The following LRP1B variants were observed in gnomAD, a reference collection of about 807,000 sequenced individuals.
The protein encoded by LRP1B is LDL receptor related protein 1B, also known as low-density lipoprotein receptor-related protein 1B.
A neutral mutation model predicts 556.6 loss-of-function variants in LRP1B; 217 were observed. The ratio of observed to expected loss-of-function variants is 0.39; its 90% confidence interval spans 0.35 to 0.44. The LOEUF (loss-of-function observed/expected upper bound fraction) is 0.44. Ranked by LOEUF, LRP1B falls within the 20% of genes least tolerant of loss-of-function variation. LRP1B has a pLI of 1.00. For synonymous variants in LRP1B, 2,047 were observed against 1,865.8 expected, an observed-to-expected ratio of 1.10 and a Z score of -2.50; for missense variants, 5,053 against 5,620.8, an observed-to-expected ratio of 0.90 and a Z score of 3.23.
chr2:141,617,758 TG>T (rs1688361436), intron 2 of LRP1B, among the ~76,000 whole-genome samples: 2 of 152,226 alleles, frequency 1.3e-5, no homozygotes, highest in African/African-American at 4.8e-5. Context: ...GTTTACTTTT[TG>T]TCACTTTTTA....
At chr2:141,801,050 C>T (rs1558884620) in intron 2 of LRP1B, among the ~76,000 whole-genome samples, 1 of 152,030 alleles carries the variant, frequency 6.6e-6, no homozygotes, top group Non-Finnish European at 1.5e-5. Context: ...TGCAAAAGCC[C>T]TTGTGGAGAA....
intron 89 of LRP1B, among the ~76,000 whole-genome samples, chr2:140,237,020 C>T (rs572705988): frequency 1.1e-4 from 17 of 150,726 alleles, no homozygotes; most frequent in African/African-American, 1.9e-4. Context: ...TTTTTTGTGG[C>T]GAGAACATTA....
intron 2 of LRP1B, among the ~76,000 whole-genome samples, chr2:141,561,979 G>A (rs1171524688): frequency 6.6e-6 from 1 of 151,806 alleles, no homozygotes; most frequent in Non-Finnish European, 1.5e-5. Flanking sequence ...ATGTTTAGTA[G>A]TGCCTGTCAA....
rs551606252 is a variant in LRP1B, at chr2:140,340,587, A to G, written c.11893-4749T>C. On this transcript the variant is annotated intron_variant, in intron 77 of 90. Transcript: ENST00000389484. Reference sequence around the variant, plus strand: ...CAATTACAATTTAAACATGCATAACATTCGAGAAATAATTCAGGGTTACCT... The same window carrying G: ...CAATTACAATTTAAACATGCATAACGTTCGAGAAATAATTCAGGGTTACCT... 5.3e-5 allele frequency among the ~76,000 whole-genome samples: 8 copies of G among 151,698 alleles called. No homozygotes were observed. The South Asian group carries it at 1.7e-3, about 31-fold the overall frequency.
At chr2:140,395,149 T>C (rs1038068548) in intron 66 of LRP1B, among the ~76,000 whole-genome samples, 1 of 152,224 alleles carries the variant, frequency 6.6e-6, no homozygotes, top group Non-Finnish European at 1.5e-5. Flanking sequence ...TACAGACTCC[T>C]AATAGTAATG....
intron 2 of LRP1B, among the ~76,000 whole-genome samples, chr2:141,551,477 A>G (rs1430269269): frequency 6.6e-6 from 1 of 152,094 alleles, no homozygotes; most frequent in African/African-American, 2.4e-5. Flanking sequence ...ATTCAGTTAA[A>G]TGAATTTTTT....
chr2:140,948,455 C>T (rs1695607661), intron 20 of LRP1B, among the ~76,000 whole-genome samples: 1 of 152,012 alleles, frequency 6.6e-6, no homozygotes, highest in African/African-American at 2.4e-5. Flanking sequence ...CATGCAACAA[C>T]TAAATAGAGA....
In LRP1B at chr2:142,080,319, C is replaced by A. The variant is rs889259418; in HGVS notation, c.82+50329G>T. On this transcript the variant is annotated intron_variant, in intron 1 of 90. Coordinates refer to ENST00000389484, the MANE Select transcript of LRP1B (RefSeq NM_018557.3). ...GAGTGTGTTAAAGTGTGTTTGGGAA[C>A]ACACAAGTTCACAATAAATGATCCA... is the stretch of plus-strand genomic sequence containing the variant. Among the ~76,000 whole-genome samples the A allele has an allele frequency of 8.5e-5, 13 of 152,162 alleles. 1 individual carries two copies. Among genetic ancestry groups the A allele is most frequent in the Non-Finnish European group, 1.9e-4 (13 of 67,996 alleles).
intron 2 of LRP1B, among the ~76,000 whole-genome samples, chr2:141,637,876 A>G (rs1312134190): frequency 6.6e-6 from 1 of 152,130 alleles, no homozygotes; most frequent in Non-Finnish European, 1.5e-5. Context: ...CTCCTTGGTG[A>G]TAAGTGAGTT....
intron 35 of LRP1B, among the ~76,000 whole-genome samples, chr2:140,722,866 A>T (rs551294238): frequency 2.5e-4 from 38 of 152,032 alleles, no homozygotes; most frequent in African/African-American, 8.0e-4. Context: ...ACATGGTGAA[A>T]CTCCATCTCT....
chr2:140,357,869 G>A (rs527573792), intron 74 of LRP1B, 110 bp downstream of exon 74: 1 of 1,279,168 alleles, frequency 7.8e-7, no homozygotes, highest in East Asian at 2.4e-5. Flanking sequence ...AAGGGCATCA[G>A]TCAAGCATAC....
intron 2 of LRP1B, among the ~76,000 whole-genome samples, chr2:141,699,197 G>GA (rs965186915): frequency 6.6e-6 from 1 of 151,714 alleles, no homozygotes; most frequent in African/African-American, 2.4e-5. Flanking sequence ...TGGGGAGCTT[G>GA]AAAAAATTAC....
At chr2:142,091,321 T>C (rs941835662) in intron 1 of LRP1B, among the ~76,000 whole-genome samples, 2 of 152,134 alleles carry the variant, frequency 1.3e-5, no homozygotes, top group Non-Finnish European at 2.9e-5. Context: ...TTTTGTGATG[T>C]GATAGGTGCT....
At position 141,256,265 on chromosome 2, in the gene LRP1B, G is replaced by T. The variant is rs1009964794; in HGVS notation, c.344-1624C>A. ...CAAAATTAATGAGAATGTAGCCTAG[G>T]TAAAGAGGACAATATGAGAAAGTAA... On this transcript the variant is annotated intron_variant, in intron 3 of 90. Coordinates refer to ENST00000389484, the MANE Select transcript of LRP1B (RefSeq NM_018557.3). Among the ~76,000 whole-genome samples, 6 of 151,952 alleles carry T rather than the reference G, an allele frequency of 3.9e-5. No homozygotes were observed. The East Asian group carries it at 1.2e-3, about 29-fold the overall frequency.
chr2:141,874,780 G>A lies in LRP1B; in HGVS notation c.83-64379C>T, dbSNP rs919739848. On this transcript the variant is annotated intron_variant, in intron 1 of 90. Transcript: ENST00000389484. ...AAATAAAATGCTGTAGTTAATTCCT[G>A]CTTTTTATTTCCCATGGGATTAAAA... 2.8e-4 allele frequency among the ~76,000 whole-genome samples: 43 copies of A among 151,862 alleles called. No homozygotes were observed. In the Admixed American group the frequency reaches 2.8e-3, roughly 10 times the overall value.
intron 1 of LRP1B, among the ~76,000 whole-genome samples, chr2:141,983,863 C>T (rs1237673128): frequency 1.3e-5 from 2 of 152,160 alleles, no homozygotes; most frequent in Non-Finnish European, 1.5e-5. Flanking sequence ...GAGTTCGACA[C>T]CGGCCTGGCC....
intron 32 of LRP1B, among the ~76,000 whole-genome samples, chr2:140,778,803 C>G (rs535284504): frequency 6.6e-6 from 1 of 151,990 alleles, no homozygotes; most frequent in African/African-American, 2.4e-5. Context: ...CATATATGAA[C>G]GCACACAACA....
chr2:140,454,048 G>A (rs1472866726), intron 62 of LRP1B, among the ~76,000 whole-genome samples: 3 of 152,152 alleles, frequency 2.0e-5, no homozygotes, highest in Non-Finnish European at 2.9e-5. Flanking sequence ...GATCAGAAAA[G>A]AATCAGAGGT....
chr2:142,036,792 C>CGAT (rs1331254092), intron 1 of LRP1B, among the ~76,000 whole-genome samples: 2 of 151,664 alleles, frequency 1.3e-5, no homozygotes, highest in African/African-American at 4.8e-5. Flanking sequence ...CTATTGTAAT[C>CGAT]ACTCAGATTC....
Sources: allele counts gnomAD v4.1 joint callset (sites outside exome capture counted in the v4.1 genomes callset), GRCh38; gene constraint gnomAD v4.1.1; transcripts MANE v1.5; gene names NCBI Gene and HGNC (gene_info 2026-07-23, HGNC 2026-07-21).